NOX4: variants seen among roughly 807,000 people sequenced by gnomAD.
NOX4 encodes the protein NADPH oxidase 4.
A neutral mutation model predicts 87.6 loss-of-function variants in NOX4; 69 were observed. That is an observed-to-expected ratio of 0.79 (90% CI 0.65 to 0.96). The LOEUF (loss-of-function observed/expected upper bound fraction) is 0.96, where lower values mean the gene tolerates loss of function less well. Among genes scored for constraint, NOX4 ranks in the 40% least tolerant of loss-of-function variants. The pLI is 0.00. For missense variants in NOX4, 680 were observed against 681.5 expected, an observed-to-expected ratio of 1.00 and a Z score of 0.02; for synonymous variants, 275 against 238.2, an observed-to-expected ratio of 1.15 and a Z score of -1.42.
the NOX4 span, chr11:89,545,585 A>T: frequency 6.6e-6 from 1 of 152,120 alleles, no homozygotes; most frequent in Admixed American, 6.6e-5. Flanking sequence ...AAATTTACAG[A>T]TGACAATACA....
chr11:89,417,673 C>A (rs1942860098), intron 8 of NOX4, among the ~76,000 whole-genome samples: 1 of 151,974 alleles, frequency 6.6e-6, no homozygotes, highest in African/African-American at 2.4e-5. Context: ...GTGTCTTTAT[C>A]AAAAAACCTG....
chr11:89,516,025 T>C, the NOX4 span, among the ~76,000 whole-genome samples: 2 of 152,108 alleles, frequency 1.3e-5, no homozygotes, highest in African/African-American at 2.4e-5. Flanking sequence ...TCTCCTTTAA[T>C]TTCTACAGTG....
At chr11:89,495,787 C>G (rs903806963), upstream of NOX4, among the ~76,000 whole-genome samples, 1 of 152,226 alleles carries the variant, frequency 6.6e-6, no homozygotes, top group Admixed American at 6.5e-5. Flanking sequence ...GGAAACATGC[C>G]TGATAGAATT....
At chr11:89,438,569 ATATATACTATATAT>A (rs1308892812) in intron 6 of NOX4, among the ~76,000 whole-genome samples, 4 of 90,208 alleles carry the variant, frequency 4.4e-5, no homozygotes, top group Non-Finnish European at 5.7e-5. Flanking sequence ...ATATAATATA[ATATATACTATATAT>A]TATATACTAT....
At chr11:89,470,062 C>T (rs749878348) in intron 2 of NOX4, among the ~76,000 whole-genome samples, 2 of 136,956 alleles carry the variant, frequency 1.5e-5, no homozygotes, top group Admixed American at 8.0e-5. Flanking sequence ...TCATTTTCCT[C>T]ATCTGCAAAA....
At chr11:89,534,196 G>C in the NOX4 span, among the ~76,000 whole-genome samples, 42 of 152,162 alleles carry the variant, frequency 2.8e-4, no homozygotes, top group African/African-American at 9.9e-4. Flanking sequence ...GTGCGGATAA[G>C]CACAGACTTT....
chr11:89,354,405 A>T (rs1363833082), intron 13 of NOX4, among the ~76,000 whole-genome samples: 1 of 152,162 alleles, frequency 6.6e-6, no homozygotes, highest in Non-Finnish European at 1.5e-5. Context: ...ACAAGGACAT[A>T]CGCTTGGGGC....
intron 7 of NOX4, among the ~76,000 whole-genome samples, chr11:89,432,110 T>C (rs191438666): frequency 7.2e-4 from 108 of 150,454 alleles, no homozygotes; most frequent in African/African-American, 2.5e-3. Context: ...GACAAAAAAC[T>C]ATACACCACA....
intron 9 of NOX4, among the ~76,000 whole-genome samples, chr11:89,401,479 C>A (rs572330195): frequency 9.9e-5 from 15 of 152,148 alleles, no homozygotes; most frequent in African/African-American, 3.6e-4. Flanking sequence ...AAGTCATCTA[C>A]AAATTCATTC....
chr11:89,560,245 A>G, the NOX4 span, among the ~76,000 whole-genome samples: 1 of 152,126 alleles, frequency 6.6e-6, no homozygotes, highest in East Asian at 1.9e-4. Context: ...GCCAAGGATC[A>G]ATGACCTCCG....
At chr11:89,372,018 C>G (rs184270660) in intron 12 of NOX4, among the ~76,000 whole-genome samples, 6 of 151,674 alleles carry the variant, frequency 4.0e-5, no homozygotes, top group Non-Finnish European at 7.4e-5. Context: ...TATGAAATAA[C>G]CTCCTTATAT....
In NOX4 at chr11:89,337,439, C is replaced by T. The variant is rs774183929; in HGVS notation, c.1515+8G>A. The T allele has an allele frequency of 1.9e-6, 3 of 1,611,728 alleles. No individual in the cohort carries two copies. Among genetic ancestry groups the T allele is most frequent in the Admixed American group, 1.7e-5 (1 of 59,850 alleles). ...CTTGTTTAATTTACGATAACATCAA[C>T]CACATACCTGTATCCCATCTGTTTG... On this transcript the variant is annotated splice_region_variant and intron_variant, in intron 16 of 17. Coordinates refer to ENST00000263317, the MANE Select transcript of NOX4 (RefSeq NM_016931.5).
At chr11:89,560,594 G>C in the NOX4 span, among the ~76,000 whole-genome samples, 1 of 152,008 alleles carries the variant, frequency 6.6e-6, no homozygotes, top group Non-Finnish European at 1.5e-5. Flanking sequence ...TGACTGAATG[G>C]GGAAAGATCT....
chr11:89,341,519 C>T (rs1946001565), intron 14 of NOX4, among the ~76,000 whole-genome samples: 1 of 152,168 alleles, frequency 6.6e-6, no homozygotes, highest in African/African-American at 2.4e-5. Context: ...TCAGAAAAGC[C>T]TGACCATACT....
In NOX4 at chr11:89,490,532, C is replaced by T. The variant is rs1447824434; in HGVS notation, c.79G>A (p.Val27Ile). The T allele has an allele frequency of 1.9e-6, 3 of 1,613,796 alleles. No individual in the cohort carries two copies. Among genetic ancestry groups the T allele is most frequent in the East Asian group, 4.5e-5 (2 of 44,874 alleles). Residue 27 changes from valine (V) to isoleucine (I), a missense_variant, in exon 2 of 18, where the codon GTC (valine) becomes ATC (isoleucine). Transcript: ENST00000263317. Reference protein sequence around the residue: ...LCLFIWLSMNVLLFWKTFLLY... With the variant: ...LCLFIWLSMNILLFWKTFLLY... ...AAGAAGGTTTTCCAGAAAAGCAGGA[C>T]ATTCATGGAGAGCCAGATGAACTAA...
intron 7 of NOX4, among the ~76,000 whole-genome samples, chr11:89,428,361 C>T (rs1425902588): frequency 6.6e-6 from 1 of 152,126 alleles, no homozygotes; most frequent in Admixed American, 6.5e-5. Flanking sequence ...CAAATTCACA[C>T]ATAACAATAT....
chr11:89,402,215 G>T, intron 9 of NOX4, 111 bp downstream of exon 9: 1 of 802,934 alleles, frequency 1.2e-6, no homozygotes, highest in Non-Finnish European at 2.1e-6. Context: ...GAAACATCCT[G>T]AAATATCCTA....
chr11:89,571,428 C>G, the NOX4 span, among the ~76,000 whole-genome samples: 1 of 151,816 alleles, frequency 6.6e-6, no homozygotes, highest in African/African-American at 2.4e-5. Context: ...TCCTGAGTAA[C>G]TGGGACTACA....
At position 89,450,876 on chromosome 11, in the gene NOX4, A is replaced by G. The variant is rs1257499491; in HGVS notation, c.264+909T>C. On this transcript the variant is annotated intron_variant, in intron 3 of 17. Coordinates refer to ENST00000263317, the MANE Select transcript of NOX4 (RefSeq NM_016931.5). ...ATGTGGCACATATATGTGGAATACT[A>G]TGCAGCCATAAAAAGGATGAGTTCA... 3.3e-5 allele frequency among the ~76,000 whole-genome samples: 5 copies of G among 151,578 alleles called. 1 individual carries two copies. Among genetic ancestry groups the G allele is most frequent in the African/African-American group, 1.2e-4 (5 of 41,328 alleles).
Sources: allele counts gnomAD v4.1 joint callset (sites outside exome capture counted in the v4.1 genomes callset), GRCh38; gene constraint gnomAD v4.1.1; transcripts MANE v1.5; gene names NCBI Gene and HGNC (gene_info 2026-07-23, HGNC 2026-07-21).